CSMD1: variants seen among roughly 807,000 people sequenced by gnomAD.
The protein encoded by CSMD1 is CUB and sushi domain-containing protein 1.
A neutral mutation model predicts 417.5 loss-of-function variants in CSMD1; 213 were observed. That is an observed-to-expected ratio of 0.51 (90% confidence interval 0.46 to 0.57). CSMD1 has a LOEUF of 0.57. CSMD1 is among the 20% of genes least tolerant of loss of function. CSMD1 has a pLI of 0.00. For synonymous variants in CSMD1, 2,862 were observed against 1,736.8 expected (o/e 1.65, Z -16.11); for missense variants, 6,923 against 4,529.7 (o/e 1.53, Z -15.17).
At chr8:3,657,260 A>G (rs1227656015) in intron 7 of CSMD1, among the ~76,000 whole-genome samples, 2 of 152,216 alleles carry the variant, frequency 1.3e-5, no homozygotes, top group Non-Finnish European at 2.9e-5. Flanking sequence ...GCATTTCTAT[A>G]TGCCAACAGT....
At chr8:4,363,332 C>T (rs1801883205) in intron 3 of CSMD1, among the ~76,000 whole-genome samples, 1 of 152,262 alleles carries the variant, frequency 6.6e-6, no homozygotes, top group African/African-American at 2.4e-5. Flanking sequence ...AGGTACCCTG[C>T]ATAACTGTTT....
rs150138979 is a variant in CSMD1 at position 3,842,703 on chromosome 8, G to T, written c.819-88661C>A. 4.6e-5 allele frequency among the ~76,000 whole-genome samples: 7 copies of T among 151,778 alleles called. No homozygotes were observed. The East Asian group carries it at 1.2e-3, about 25-fold the overall frequency. On this transcript the variant is annotated intron_variant, in intron 5 of 69. Transcript: ENST00000635120. Reference sequence around the variant, plus strand: ...CATTTGAAACTAAAACCAAACTAATGAGAAACCTGCAAAAAATGTGTCAAG... The same window carrying T: ...CATTTGAAACTAAAACCAAACTAATTAGAAACCTGCAAAAAATGTGTCAAG...
At chr8:3,426,212 G>C (rs1202176732) in intron 12 of CSMD1, among the ~76,000 whole-genome samples, 1 of 152,136 alleles carries the variant, frequency 6.6e-6, no homozygotes, top group African/African-American at 2.4e-5. Flanking sequence ...TTAGAATCAG[G>C]ATTTCATTCT....
At chr8:4,339,548 G>C (rs1390521199) in intron 3 of CSMD1, among the ~76,000 whole-genome samples, 1 of 152,052 alleles carries the variant, frequency 6.6e-6, no homozygotes, top group Non-Finnish European at 1.5e-5. Flanking sequence ...AAAGACTACT[G>C]AATCTTTCAT....
intron 26 of CSMD1, among the ~76,000 whole-genome samples, chr8:3,283,931 C>G (rs7820671): frequency 0.056 from 8,481 of 152,348 alleles, 322 homozygotes; most frequent in South Asian, 0.12. Flanking sequence ...ATGCATTTCT[C>G]TTAAGCTGGC....
intron 7 of CSMD1, among the ~76,000 whole-genome samples, chr8:3,685,561 T>A (rs1458171331): frequency 6.6e-6 from 1 of 152,044 alleles, no homozygotes. Flanking sequence ...TAACAACGGG[T>A]TACAAAACAG....
In CSMD1 at chr8:3,542,396, A is replaced by G. The variant is rs534634680; in HGVS notation, c.1344+32549T>C. On this transcript the variant is annotated intron_variant, in intron 10 of 69. Transcript: ENST00000635120. ...TTTTATTTTACAAATATATTTTAGCACCTACCCTGTTCCAGATACCGTTCT... is the reference window on the plus strand; with the variant it reads ...TTTTATTTTACAAATATATTTTAGCGCCTACCCTGTTCCAGATACCGTTCT... Among the ~76,000 whole-genome samples, 6 of 152,330 alleles carry G rather than the reference A, an allele frequency of 3.9e-5. No homozygotes were observed. In the East Asian group the frequency reaches 1.2e-3, roughly 29 times the overall value.
At chr8:3,680,299 T>C (rs1315989813) in intron 7 of CSMD1, among the ~76,000 whole-genome samples, 2 of 151,716 alleles carry the variant, frequency 1.3e-5, no homozygotes, top group Non-Finnish European at 2.9e-5. Context: ...GCAAGACTAA[T>C]AAAGAAGAAA....
chr8:3,324,398 C>T (rs964580575), intron 23 of CSMD1, among the ~76,000 whole-genome samples: 1 of 150,448 alleles, frequency 6.6e-6, no homozygotes, highest in Non-Finnish European at 1.5e-5. Context: ...CTTCCCCCTA[C>T]CTTTGGTCAC....
intron 3 of CSMD1, among the ~76,000 whole-genome samples, chr8:4,062,856 G>T (rs374713068): frequency 4.0e-5 from 6 of 150,426 alleles, no homozygotes; most frequent in African/African-American, 1.2e-4. Context: ...CCAGCCAAGA[G>T]AAATGAAAGC....
intron 6 of CSMD1, among the ~76,000 whole-genome samples, chr8:3,736,480 A>G (rs1796526691): frequency 6.6e-6 from 1 of 152,160 alleles, no homozygotes; most frequent in African/African-American, 2.4e-5. Context: ...CTTGGGCTGA[A>G]GTGATCCTCC....
chr8:4,187,306 G>C (rs185043739), intron 3 of CSMD1, among the ~76,000 whole-genome samples: 120 of 152,210 alleles, frequency 7.9e-4, no homozygotes, highest in Middle Eastern at 3.4e-3. Flanking sequence ...CATAGGAAAG[G>C]ACAACCCACT....
intron 1 of CSMD1, among the ~76,000 whole-genome samples, chr8:4,822,128 T>C (rs1046111893): frequency 6.6e-6 from 1 of 152,020 alleles, no homozygotes; most frequent in African/African-American, 2.4e-5. Context: ...ATCTTCCCTT[T>C]TTGAAAGTTA....
chr8:3,633,489 G>A (rs1206915027), intron 7 of CSMD1, among the ~76,000 whole-genome samples: 1 of 152,130 alleles, frequency 6.6e-6, no homozygotes, highest in South Asian at 2.1e-4. Context: ...TCCCAATTTA[G>A]AAGTCAAATA....
At chr8:4,287,696 G>T (rs1184887763) in intron 3 of CSMD1, among the ~76,000 whole-genome samples, 1 of 104,688 alleles carries the variant, frequency 9.6e-6, no homozygotes, top group Non-Finnish European at 2.2e-5. Context: ...CTACTACTTT[G>T]TAAGTGTATG....
At chr8:4,856,055 C>G (rs939916272) in intron 1 of CSMD1, among the ~76,000 whole-genome samples, 1 of 152,172 alleles carries the variant, frequency 6.6e-6, no homozygotes, top group South Asian at 2.1e-4. Flanking sequence ...ATCAGAGTAA[C>G]AGCGGATCTC....
intron 3 of CSMD1, among the ~76,000 whole-genome samples, chr8:4,256,978 A>T (rs926679265): frequency 6.6e-6 from 1 of 152,164 alleles, no homozygotes; most frequent in African/African-American, 2.4e-5. Flanking sequence ...GAGGTATTCA[A>T]TCTGGAAGAA....
At chr8:4,537,776 A>G (rs989087526) in intron 2 of CSMD1, among the ~76,000 whole-genome samples, 11 of 152,220 alleles carry the variant, frequency 7.2e-5, no homozygotes, top group South Asian at 4.1e-4. Flanking sequence ...ATCACCAGGC[A>G]TGCAGCCGTT....
intron 3 of CSMD1, among the ~76,000 whole-genome samples, chr8:4,147,642 G>T (rs1489212342): frequency 6.6e-6 from 1 of 152,088 alleles, no homozygotes; most frequent in East Asian, 1.9e-4. Context: ...GTGCATGAAG[G>T]TTACTCTGAG....
Sources: allele counts gnomAD v4.1 joint callset (sites outside exome capture counted in the v4.1 genomes callset), GRCh38; gene constraint gnomAD v4.1.1; transcripts MANE v1.5; gene names NCBI Gene and HGNC (gene_info 2026-07-23, HGNC 2026-07-21).